Variants in SMIM3 observed in about 807,000 individuals in gnomAD.
SMIM3 encodes small integral membrane protein 3, also known as NGF-induced differentiation clone 67 protein.
Under a neutral mutation model 2.1 loss-of-function variants are expected in SMIM3, and 4 were observed. That is an observed-to-expected ratio of 1.89 (90% CI 0.93 to 4.31). The LOEUF (loss-of-function observed/expected upper bound fraction) is 4.31. Among genes scored for constraint, SMIM3 ranks in the 30% most tolerant of loss-of-function variants. The pLI, the probability that SMIM3 is intolerant of heterozygous loss-of-function variation, is 0.01. For synonymous variants in SMIM3, 29 were observed against 30.8 expected (o/e 0.94, Z 0.19); for missense variants, 79 against 77.7 (o/e 1.02, Z -0.06).
At chr5:150,784,549 A>G (rs1753270615) in intron 1 of SMIM3, among the ~76,000 whole-genome samples, 1 of 152,172 alleles carries the variant, frequency 6.6e-6, no homozygotes, top group Non-Finnish European at 1.5e-5. Context: ...AAAAATAGAA[A>G]ATCACTTTAC....
rs182568983 is a variant in SMIM3, at chr5:150,789,374, C to A, written c.-11-6056C>A. 9.2e-3 allele frequency among the ~76,000 whole-genome samples: 1,402 copies of A among 152,134 alleles called. 15 individuals are homozygous for A. Among genetic ancestry groups the A allele is most frequent in the Non-Finnish European group, 0.015 (989 of 67,990 alleles). ...TTTGGGAGACAAAATTTTTCTTTGA[C>A]AGTAGGGAGAGGTGGAAGCGACTGG... is the stretch of plus-strand genomic sequence containing the variant. On this transcript the variant is annotated intron_variant, in intron 1 of 1. Coordinates refer to ENST00000526627, the MANE Select transcript of SMIM3 (RefSeq NM_032947.5).
At position 150,795,687 on chromosome 5, in the gene SMIM3, C is replaced by A; in HGVS notation, c.*64C>A. 1 of 1,502,208 alleles carries A rather than the reference C, an allele frequency of 6.7e-7. No homozygotes were observed. Among genetic ancestry groups the A allele is most frequent in the South Asian group, 1.2e-5 (1 of 81,226 alleles). 93.1% of individuals were successfully genotyped at this position (1,502,208 alleles called of 1,614,324 possible). On this transcript the variant is annotated 3_prime_UTR_variant, in exon 2 of 2. Transcript: ENST00000526627. ...CATCCTATCCCCAGCCTCTTCCTGTCTTCAGAAAAGCAGCAGGAGGGACTT... is the reference window on the plus strand; with the variant it reads ...CATCCTATCCCCAGCCTCTTCCTGTATTCAGAAAAGCAGCAGGAGGGACTT...
chr5:150,789,798 T>C (rs1561724476), intron 1 of SMIM3, among the ~76,000 whole-genome samples: 1 of 152,194 alleles, frequency 6.6e-6, no homozygotes, highest in Non-Finnish European at 1.5e-5. Context: ...ATTGCATATG[T>C]GAAGGGGGTG....
At chr5:150,794,119 G>A (rs536876375) in intron 1 of SMIM3, among the ~76,000 whole-genome samples, 45 of 152,180 alleles carry the variant, frequency 3.0e-4, no homozygotes, top group African/African-American at 8.0e-4. Flanking sequence ...ACCACAATGC[G>A]ATACCACCTT....
chr5:150,784,652 C>T (rs905756256), intron 1 of SMIM3, among the ~76,000 whole-genome samples: 2 of 152,172 alleles, frequency 1.3e-5, no homozygotes, highest in Non-Finnish European at 2.9e-5. Flanking sequence ...CATGGTTACA[C>T]GGTGTTTCAT....
At chr5:150,785,072 T>C (rs1417203835) in intron 1 of SMIM3, among the ~76,000 whole-genome samples, 2 of 151,238 alleles carry the variant, frequency 1.3e-5, no homozygotes, top group Non-Finnish European at 2.9e-5. Flanking sequence ...ATTTTTTTTT[T>C]CTGAAAATGT....
intron 1 of SMIM3, 28 bp from the exon 2 acceptor site, chr5:150,795,402 A>G (rs1225124183): frequency 6.2e-7 from 1 of 1,612,610 alleles, no homozygotes; most frequent in Non-Finnish European, 8.5e-7. Context: ...AGTACGCAAC[A>G]GTGATCTTCC....
At chr5:150,784,007 C>A (rs543534198) in intron 1 of SMIM3, among the ~76,000 whole-genome samples, 2 of 151,092 alleles carry the variant, frequency 1.3e-5, no homozygotes, top group East Asian at 3.9e-4. Context: ...CAACCTCCAC[C>A]TCCTGGGTTC....
chr5:150,789,926 C>G (rs1259718996), intron 1 of SMIM3, among the ~76,000 whole-genome samples: 1 of 152,114 alleles, frequency 6.6e-6, no homozygotes, highest in Non-Finnish European at 1.5e-5. Context: ...ACTAGAGCAG[C>G]CTTACTTTAG....
At chr5:150,793,268 C>T (rs746084362) in intron 1 of SMIM3, among the ~76,000 whole-genome samples, 8 of 152,024 alleles carry the variant, frequency 5.3e-5, no homozygotes, top group Non-Finnish European at 8.8e-5. Context: ...ACAAATTCAA[C>T]GCAATCCCCA....
chr5:150,790,857 T>C (rs2113205691), intron 1 of SMIM3, among the ~76,000 whole-genome samples: 1 of 152,306 alleles, frequency 6.6e-6, no homozygotes, highest in African/African-American at 2.4e-5. Context: ...CCATGGTATG[T>C]GGCATTTGGT....
At chr5:150,790,984 C>T (rs1753343719) in intron 1 of SMIM3, among the ~76,000 whole-genome samples, 1 of 151,832 alleles carries the variant, frequency 6.6e-6, no homozygotes, top group South Asian at 2.1e-4. Flanking sequence ...GCCTCTTTGC[C>T]CCCTTAACCC....
intron 1 of SMIM3, among the ~76,000 whole-genome samples, chr5:150,783,988 G>C (rs1181404400): frequency 7.2e-6 from 1 of 138,810 alleles, no homozygotes; most frequent in African/African-American, 2.8e-5. Context: ...GTGTGATCTT[G>C]GCTAACTGCA....
chr5:150,782,380 A>G (rs1753244719), intron 1 of SMIM3, among the ~76,000 whole-genome samples: 1 of 152,150 alleles, frequency 6.6e-6, no homozygotes, highest in Admixed American at 6.5e-5. Context: ...CCCCACTTTT[A>G]TCAGCCTCCC....
At chr5:150,792,373 T>C (rs977343082) in intron 1 of SMIM3, among the ~76,000 whole-genome samples, 2 of 152,236 alleles carry the variant, frequency 1.3e-5, no homozygotes, top group African/African-American at 4.8e-5. Flanking sequence ...GTGAACTCAC[T>C]AGAAGGAGGG....
At chr5:150,795,312 C>A (rs1466577889) in intron 1 of SMIM3, 118 bp from the exon 2 acceptor site, 1 of 1,040,530 alleles carries the variant, frequency 9.6e-7, no homozygotes, top group Non-Finnish European at 1.5e-6. Context: ...AATCAGGGAA[C>A]CTTAAAGTTT....
At chr5:150,788,400 T>C (rs1345920346) in intron 1 of SMIM3, among the ~76,000 whole-genome samples, 1 of 151,872 alleles carries the variant, frequency 6.6e-6, no homozygotes, top group Non-Finnish European at 1.5e-5. Flanking sequence ...TTTGGGAAAC[T>C]GAGGTGGGCG....
intron 1 of SMIM3, among the ~76,000 whole-genome samples, chr5:150,790,648 C>G (rs913798304): frequency 1.3e-5 from 2 of 152,114 alleles, no homozygotes; most frequent in Non-Finnish European, 2.9e-5. Flanking sequence ...GGAATCAATT[C>G]CCAAATCTTA....
At chr5:150,785,580 C>CT (rs35273478) in intron 1 of SMIM3, among the ~76,000 whole-genome samples, 51,439 of 110,562 alleles carry the variant, frequency 0.47, 13,191 homozygotes, top group Non-Finnish European at 0.55. Context: ...TATTTCTTTT[C>CT]TTTTTTTTTT....
Sources: allele counts gnomAD v4.1 joint callset (sites outside exome capture counted in the v4.1 genomes callset), GRCh38; gene constraint gnomAD v4.1.1; transcripts MANE v1.5; gene names NCBI Gene and HGNC (gene_info 2026-07-23, HGNC 2026-07-21).